Variants in TTC7B observed in about 807,000 individuals in gnomAD.
TTC7B encodes tetratricopeptide repeat protein 7B.
TTC7B carries 28 observed loss-of-function variants against 106.8 expected under a neutral mutation model. The observed-to-expected ratio is 0.26, with a 90% CI of 0.19 to 0.36. The LOEUF (loss-of-function observed/expected upper bound fraction) is 0.36. Ranked by LOEUF, TTC7B falls within the 10% of genes least tolerant of loss-of-function variation. The pLI is 1.00. For synonymous variants in TTC7B, 405 were observed against 430.6 expected (o/e 0.94, Z 0.74); for missense variants, 862 against 1,076.4 (o/e 0.80, Z 2.79).
At chr14:90,741,532 C>G (rs1889764942) in intron 4 of TTC7B, among the ~76,000 whole-genome samples, 2 of 152,170 alleles carry the variant, frequency 1.3e-5, no homozygotes, top group South Asian at 2.1e-4. Context: ...GATTTCCTAC[C>G]TGGCAGGGCT....
At chr14:90,652,996 A>G in intron 12 of TTC7B, 98 bp from the exon 13 acceptor site, 1 of 1,299,898 alleles carries the variant, frequency 7.7e-7, no homozygotes, top group South Asian at 1.2e-5. Context: ...CTGGATTAAA[A>G]GCAACAATGT....
At chr14:90,622,060 G>A (rs1028894713) in intron 15 of TTC7B, among the ~76,000 whole-genome samples, 4 of 151,826 alleles carry the variant, frequency 2.6e-5, no homozygotes, top group Admixed American at 1.3e-4. Context: ...ACGATGAAGA[G>A]GGCAGAGGAG....
intron 4 of TTC7B, among the ~76,000 whole-genome samples, chr14:90,733,192 T>G (rs1250835421): frequency 6.6e-6 from 1 of 151,954 alleles, no homozygotes; most frequent in African/African-American, 2.4e-5. Flanking sequence ...TGTGGGTACA[T>G]CGCTATCTCA....
chr14:90,631,331 G>T (rs575568877), intron 15 of TTC7B, among the ~76,000 whole-genome samples: 2 of 152,114 alleles, frequency 1.3e-5, no homozygotes, highest in African/African-American at 4.8e-5. Context: ...CCAGAAGTGG[G>T]ACTGCTGGAT....
intron 3 of TTC7B, among the ~76,000 whole-genome samples, chr14:90,769,938 G>A (rs901971075): frequency 6.6e-5 from 10 of 151,994 alleles, no homozygotes; most frequent in African/African-American, 1.9e-4. Context: ...CATTTGATAC[G>A]AGGAGTTTGA....
intron 15 of TTC7B, among the ~76,000 whole-genome samples, chr14:90,630,252 C>G (rs1413478505): frequency 6.6e-6 from 1 of 152,146 alleles, no homozygotes; most frequent in African/African-American, 2.4e-5. Flanking sequence ...GTGAAGGCAA[C>G]AGCACAGAGC....
chr14:90,725,268 C>T (rs1889049123), intron 5 of TTC7B, among the ~76,000 whole-genome samples: 3 of 152,224 alleles, frequency 2.0e-5, no homozygotes, highest in African/African-American at 7.2e-5. Context: ...TCCAGCAAAG[C>T]ATGCTCACGT....
intron 3 of TTC7B, among the ~76,000 whole-genome samples, chr14:90,755,684 C>CA (rs769662937): frequency 1.1e-3 from 166 of 149,164 alleles, no homozygotes; most frequent in Admixed American, 2.1e-3. Context: ...AACAAACAAA[C>CA]AAAAAAAAAA....
intron 15 of TTC7B, among the ~76,000 whole-genome samples, chr14:90,641,930 T>TGCGC (rs1256396111): frequency 5.3e-5 from 7 of 132,210 alleles, no homozygotes; most frequent in African/African-American, 2.3e-4. Context: ...CTTGTGTGTG[T>TGCGC]GTGCGTGTGT....
chr14:90,771,965 TTA>T (rs34245798), intron 3 of TTC7B, among the ~76,000 whole-genome samples: 14,562 of 145,864 alleles, frequency 0.1, 1,833 homozygotes, highest in African/African-American at 0.29. Context: ...AAATATATAA[TTA>T]TATATATAAT....
At chr14:90,719,423 A>T (rs548472986) in intron 5 of TTC7B, among the ~76,000 whole-genome samples, 16 of 152,362 alleles carry the variant, frequency 1.1e-4, no homozygotes, top group African/African-American at 3.6e-4. Flanking sequence ...TTGCAGCCAG[A>T]CTGGGAGGAA....
At chr14:90,599,764 T>C (rs769853904) in intron 17 of TTC7B, among the ~76,000 whole-genome samples, 5 of 152,236 alleles carry the variant, frequency 3.3e-5, no homozygotes, top group Non-Finnish European at 7.3e-5. Flanking sequence ...CTGTACCTGT[T>C]TTCCCTTGAC....
intron 3 of TTC7B, among the ~76,000 whole-genome samples, chr14:90,752,615 T>G (rs995488533): frequency 6.6e-6 from 1 of 152,180 alleles, no homozygotes; most frequent in African/African-American, 2.4e-5. Context: ...TAAAGGTTGA[T>G]TTATCAAAGC....
chr14:90,753,952 CTG>C (rs1890209991), intron 3 of TTC7B, among the ~76,000 whole-genome samples: 1 of 152,170 alleles, frequency 6.6e-6, no homozygotes, highest in Non-Finnish European at 1.5e-5. Context: ...TGCTCACTAA[CTG>C]AGAGTTTGCA....
At chr14:90,798,842 A>G (rs2030060717) in intron 1 of TTC7B, among the ~76,000 whole-genome samples, 1 of 152,078 alleles carries the variant, frequency 6.6e-6, no homozygotes, top group African/African-American at 2.4e-5. Context: ...GCAAGAGGAC[A>G]TGGACACGAT....
At chr14:90,651,294 C>T (rs529054358) in intron 13 of TTC7B, among the ~76,000 whole-genome samples, 1 of 152,274 alleles carries the variant, frequency 6.6e-6, no homozygotes, top group African/African-American at 2.4e-5. Context: ...TTTAGGTTAG[C>T]CTTCTGCAAT....
chr14:90,749,410 T>C (rs1461350118), intron 3 of TTC7B, among the ~76,000 whole-genome samples: 1 of 148,706 alleles, frequency 6.7e-6, no homozygotes, highest in Non-Finnish European at 1.5e-5. Context: ...TTCTTTTTTT[T>C]TTTTTTTTTT....
intron 5 of TTC7B, among the ~76,000 whole-genome samples, chr14:90,714,708 C>T (rs1392545358): frequency 2.6e-5 from 4 of 152,068 alleles, no homozygotes; most frequent in South Asian, 2.1e-4. Flanking sequence ...CCACCCACCT[C>T]GGCCTCCCAA....
intron 2 of TTC7B, among the ~76,000 whole-genome samples, chr14:90,783,423 GA>G (rs1891282552): frequency 6.6e-6 from 1 of 152,146 alleles, no homozygotes; most frequent in Admixed American, 6.5e-5. Flanking sequence ...AGCAATGGGA[GA>G]AAAAAATTCT....
Sources: gnomAD v4.1 joint callset for allele counts (sites outside exome capture counted in the v4.1 genomes callset) on GRCh38, gnomAD v4.1.1 for gene constraint, MANE v1.5 for transcripts, NCBI Gene and HGNC (gene_info 2026-07-23, HGNC 2026-07-21) for gene names.